The following LRPAP1 variants were observed in gnomAD, a reference collection of about 807,000 sequenced individuals.
The protein encoded by LRPAP1 is LDL receptor related protein associated protein 1.
In LRPAP1, 41 loss-of-function variants were observed where a neutral mutation model predicts 39.9. The ratio of observed to expected loss-of-function variants is 1.03; its 90% CI spans 0.80 to 1.33. LRPAP1 has a LOEUF of 1.33. Ranked by LOEUF, LRPAP1 falls within the 40% of genes most tolerant of loss-of-function variation. The probability of loss-of-function intolerance (pLI) is 0.00; values close to 1 mark genes in which losing one functional copy is unlikely to be tolerated. For missense variants in LRPAP1, 565 were observed against 482.3 expected (o/e 1.17, Z -1.61); for synonymous variants, 263 against 212.7 (o/e 1.24, Z -2.06).
In LRPAP1 at chr4:3,512,337, C is replaced by T. The variant is rs1283033230; in HGVS notation, c.*637G>A. 6.6e-6 allele frequency: 1 copy of T among 152,522 alleles called. No individual in the cohort carries two copies. The highest frequency in any genetic ancestry group is 2.4e-5 in the African/African-American group (1 of 41,446). The allele number at this position is 152,522 out of a possible 1,614,324, so 9.4% of individuals were successfully genotyped here. A position where few individuals can be genotyped will look rare whatever the true frequency, so the allele number is the denominator to read the frequency against. On this transcript the variant is annotated 3_prime_UTR_variant, in exon 8 of 8. Coordinates refer to ENST00000650182, the MANE Select transcript of LRPAP1 (RefSeq NM_002337.4). ...AGGTGAGAGTTGAAAGACGCTGCCC[C>T]CAGGCCACAGTCTCTGACTGTCCAC...
At chr4:3,527,203 C>G (rs569830149) in intron 1 of LRPAP1, among the ~76,000 whole-genome samples, 58 of 152,244 alleles carry the variant, frequency 3.8e-4, no homozygotes, top group Non-Finnish European at 7.2e-4. Context: ...ACCTGTGTGC[C>G]TCTTCCCCAG....
At chr4:3,520,609 T>G (rs1263213509) in intron 2 of LRPAP1, among the ~76,000 whole-genome samples, 1 of 152,250 alleles carries the variant, frequency 6.6e-6, no homozygotes, top group Non-Finnish European at 1.5e-5. Context: ...CAGCCTCACC[T>G]GCTGCCATAG....
At chr4:3,518,218 T>A (rs1316788826) in intron 4 of LRPAP1, 26 bp from the exon 5 acceptor site, 1 of 1,600,092 alleles carries the variant, frequency 6.2e-7, no homozygotes, top group Admixed American at 1.7e-5. Context: ...CAGGACGCCA[T>A]GAGGCTGGGA....
chr4:3,503,779 G>A lies in LRPAP1; in HGVS notation c.*9195C>T, dbSNP rs898267706. ...AGATTTCCAACTCCAGCAATGACAG[G>A]CTAGGGTACCTAGATGAACCATCAC... On this transcript the variant is annotated 3_prime_UTR_variant, in exon 8 of 8. Coordinates refer to ENST00000650182, the MANE Select transcript of LRPAP1 (RefSeq NM_002337.4). 4.6e-5 allele frequency: 7 copies of A among 152,266 alleles called. No homozygotes were observed. The highest frequency in any genetic ancestry group is 1.7e-4 in the African/African-American group (7 of 41,468). The allele number at this position is 152,266 out of a possible 1,614,324, so 9.4% of individuals were successfully genotyped here.
At chr4:3,520,012 G>A (rs766249709) in intron 3 of LRPAP1, 60 bp downstream of exon 3, 242 of 1,586,728 alleles carry the variant, frequency 1.5e-4, no homozygotes, top group Non-Finnish European at 1.9e-4. Flanking sequence ...CACAGCCCCC[G>A]CCTTAACACT....
chr4:3,513,120 C>T (rs966284955), intron 7 of LRPAP1, 84 bp from the exon 8 acceptor site: 147 of 1,083,936 alleles, frequency 1.4e-4, no homozygotes, highest in East Asian at 7.4e-4. Flanking sequence ...AGGAGACGCG[C>T]GATCCAAAAG....
At chr4:3,531,870 A>C in intron 1 of LRPAP1, 1 of 368,422 alleles carries the variant, frequency 2.7e-6, no homozygotes, top group African/African-American at 2.1e-5. Flanking sequence ...GAACAGGCAA[A>C]GGCTCGGGAG....
intron 2 of LRPAP1, among the ~76,000 whole-genome samples, chr4:3,524,487 C>T (rs1033556957): frequency 1.3e-5 from 2 of 152,258 alleles, no homozygotes; most frequent in African/African-American, 2.4e-5. Context: ...TGCCTTGGCC[C>T]TCCCTCTGGC....
rs192029686 is a variant in LRPAP1 at position 3,510,752 on chromosome 4, C to G, written c.*2222G>C. ...CTGAGCGAATGTAAGCAGATACACG[C>G]AGACATACACAGACGCACGCAAAGA... is the stretch of plus-strand genomic sequence containing the variant. On this transcript the variant is annotated 3_prime_UTR_variant, in exon 8 of 8. Transcript: ENST00000650182. 3.9e-5 allele frequency: 6 copies of G among 152,406 alleles called. No homozygotes were observed. The highest frequency in any genetic ancestry group is 3.9e-4 in the Admixed American group (6 of 15,308). The allele number at this position is 152,406 out of a possible 1,614,324, so 9.4% of individuals were successfully genotyped here.
At chr4:3,516,282 G>T in intron 5 of LRPAP1, 84 bp from the exon 6 acceptor site, 2 of 1,077,016 alleles carry the variant, frequency 1.9e-6, no homozygotes, top group Non-Finnish European at 2.7e-6. Context: ...CTGAGTGTGC[G>T]TGGAGCCTAT....
At chr4:3,517,539 AGT>A (rs1560255207) in intron 5 of LRPAP1, 1 of 153,248 alleles carries the variant, frequency 6.5e-6, no homozygotes, top group African/African-American at 2.4e-5. Flanking sequence ...GGCAAGAAGC[AGT>A]GGTGCAGAGC....
At chr4:3,526,550 G>T (rs1457146163) in intron 1 of LRPAP1, among the ~76,000 whole-genome samples, 1 of 152,242 alleles carries the variant, frequency 6.6e-6, no homozygotes, top group African/African-American at 2.4e-5. Context: ...TGCCTTCCCA[G>T]TGTCCCGCAG....
Position 3,504,731 on chromosome 4 carries a change from T to TAGAG in LRPAP1, c.*8242_*8243insCTCT, listed in dbSNP as rs1553852450. Among the ~76,000 whole-genome samples the TAGAG allele has an allele frequency of 7.3e-6, 1 of 137,702 alleles. No homozygotes were observed. Among genetic ancestry groups the TAGAG allele is most frequent in the African/African-American group, 2.8e-5 (1 of 36,050 alleles). The allele number at this position is 137,702 out of a possible 152,430, so 90.3% of individuals were successfully genotyped here. The stretch of plus-strand genomic sequence containing the variant: ...CGCCATTGCACTGCAGCCTGAGCAA[T>TAGAG]TGAGATTCCATCTCAAAAAAAAAAA... On this transcript the variant is annotated 3_prime_UTR_variant, in exon 8 of 8. Transcript: ENST00000650182.
Position 3,512,921 on chromosome 4 carries a change from C to T in LRPAP1, c.*53G>A. 6.5e-7 allele frequency: 1 copy of T among 1,534,602 alleles called. No individual in the cohort carries two copies. Among genetic ancestry groups the T allele is most frequent in the African/African-American group, 1.4e-5 (1 of 72,956 alleles). On this transcript the variant is annotated 3_prime_UTR_variant, in exon 8 of 8. Transcript: ENST00000650182. ...TCCACGGAAATGCCACGGCCAAGAG[C>T]CCAGGTCCTTCACGCTGGCCTCTTC...
intron 6 of LRPAP1, chr4:3,515,863 G>C: frequency 1.8e-6 from 1 of 544,736 alleles, no homozygotes; most frequent in East Asian, 3.2e-5. Flanking sequence ...CCGCACCAAG[G>C]CCACGCTCAG....
chr4:3,518,334 A>T, intron 4 of LRPAP1, 142 bp from the exon 5 acceptor site: 1 of 908,250 alleles, frequency 1.1e-6, no homozygotes, highest in Non-Finnish European at 1.6e-6. Flanking sequence ...GCGGTCCTGC[A>T]GCGCCGCAGA....
At chr4:3,513,101 C>A (rs1729583796) in intron 7 of LRPAP1, 65 bp from the exon 8 acceptor site, 14 of 1,320,368 alleles carry the variant, frequency 1.1e-5, no homozygotes, top group Admixed American at 1.9e-5. Flanking sequence ...GTGAGCTCAG[C>A]CTCATGTCAG....
In LRPAP1 at chr4:3,514,923, C is replaced by T; in HGVS notation, c.840G>A (p.Glu280=). ...TDKELEAFRE[E]LKHFEAKIEK... is the part of the protein sequence containing the mutation. ...CGATTTTGGCTTCGAAGTGCTTGAG[C>T]TCCTCCTGGAACAAGGTTTCCATAG... The change falls in exon 7 of 8, where the codon GAG becomes GAA. Residue 280 remains glutamate, a synonymous_variant. Coordinates refer to ENST00000650182, the MANE Select transcript of LRPAP1 (RefSeq NM_002337.4). 2 of 1,613,584 alleles carry T rather than the reference C, an allele frequency of 1.2e-6. No individual in the cohort carries two copies. Among genetic ancestry groups the T allele is most frequent in the Non-Finnish European group, 1.7e-6 (2 of 1,179,772 alleles).
chr4:3,524,068 A>G, intron 2 of LRPAP1, among the ~76,000 whole-genome samples: 1 of 152,184 alleles, frequency 6.6e-6, no homozygotes, highest in Admixed American at 6.5e-5. Flanking sequence ...CATAGCTGAC[A>G]GCAGGCAGCT....
Sources: gnomAD v4.1 joint callset for allele counts (sites outside exome capture counted in the v4.1 genomes callset) on GRCh38, gnomAD v4.1.1 for gene constraint, MANE v1.5 for transcripts, NCBI Gene and HGNC (gene_info 2026-07-23, HGNC 2026-07-21) for gene names.